ZNF33A: variants seen among roughly 807,000 people sequenced by gnomAD.
ZNF33A encodes the protein zinc finger protein 33A, also known as brain my041 protein.
Under a neutral mutation model 15.9 loss-of-function variants are expected in ZNF33A, and 9 were observed. That is an observed-to-expected ratio of 0.57 (90% confidence interval 0.34 to 0.99). ZNF33A has a LOEUF of 0.99. Among genes scored for constraint, ZNF33A ranks in the 50% least tolerant of loss-of-function variants. The probability of loss-of-function intolerance (pLI) is 0.02; values close to 1 mark genes in which losing one functional copy is unlikely to be tolerated. For synonymous variants in ZNF33A, 294 were observed against 324.2 expected (o/e 0.91, Z 1.00); for missense variants, 843 against 941.6 (o/e 0.90, Z 1.37).
rs559539936 is a variant in ZNF33A, at chr10:38,056,724, G to A, written c.*164G>A. ...ACAGATTTTTTTTGAATTTGTGAAAGTTTTTGGCAAAAATGCAAATAAGGT... is the reference window on the plus strand; with the variant it reads ...ACAGATTTTTTTTGAATTTGTGAAAATTTTTGGCAAAAATGCAAATAAGGT... On this transcript the variant is annotated 3_prime_UTR_variant, in exon 5 of 5. Transcript: ENST00000432900. 8.0e-7 allele frequency: 1 copy of A among 1,249,062 alleles called. No homozygotes were observed. Among genetic ancestry groups the A allele is most frequent in the East Asian group, 3.1e-5 (1 of 32,736 alleles). The allele number at this position is 1,249,062 out of a possible 1,614,324, so 77.4% of individuals were successfully genotyped here.
intron 4 of ZNF33A, among the ~76,000 whole-genome samples, chr10:38,045,664 C>G (rs1202488499): frequency 6.6e-6 from 1 of 152,196 alleles, no homozygotes; most frequent in African/African-American, 2.4e-5. Context: ...CTCTTCTTAG[C>G]CATCTCTTTC....
intron 4 of ZNF33A, among the ~76,000 whole-genome samples, chr10:38,035,953 A>G (rs1234069013): frequency 6.6e-6 from 1 of 152,214 alleles, no homozygotes. Context: ...AAGAGATGCA[A>G]AGGGAACCTT....
At chr10:38,049,239 A>T (rs2066088498) in intron 4 of ZNF33A, among the ~76,000 whole-genome samples, 2 of 152,154 alleles carry the variant, frequency 1.3e-5, no homozygotes. Flanking sequence ...GGTTAATGAA[A>T]ACAGAATTTA....
intron 4 of ZNF33A, among the ~76,000 whole-genome samples, chr10:38,046,588 A>C (rs1162064239): frequency 6.6e-6 from 1 of 152,224 alleles, no homozygotes; most frequent in Non-Finnish European, 1.5e-5. Flanking sequence ...CCCAACATCC[A>C]ACCAAGTAAA....
intron 4 of ZNF33A, among the ~76,000 whole-genome samples, chr10:38,047,617 T>A: frequency 1.2e-5 from 1 of 80,782 alleles, no homozygotes; most frequent in Non-Finnish European, 2.2e-5. Flanking sequence ...AGAGCAAGAC[T>A]CTGTCTCAAA....
intron 4 of ZNF33A, among the ~76,000 whole-genome samples, chr10:38,021,028 C>T (rs1564838237): frequency 6.6e-6 from 1 of 152,088 alleles, no homozygotes; most frequent in African/African-American, 2.4e-5. Context: ...AGTCTTCCTG[C>T]GGGGGGAGTG....
chr10:38,030,091 A>G (rs575282428), intron 4 of ZNF33A, among the ~76,000 whole-genome samples: 55 of 152,320 alleles, frequency 3.6e-4, no homozygotes, highest in Non-Finnish European at 6.0e-4. Context: ...CCTGCCTTAT[A>G]AAAGTGATAA....
intron 4 of ZNF33A, 191 bp downstream of exon 4, chr10:38,017,577 T>G (rs1193413510): frequency 1.4e-5 from 6 of 434,658 alleles, no homozygotes; most frequent in Middle Eastern, 6.3e-4. Context: ...TCCTCCTTTT[T>G]GAATCGTTTT....
Position 38,059,105 on chromosome 10 carries a change from G to A in ZNF33A, c.*2545G>A, listed in dbSNP as rs1017052478. On this transcript the variant is annotated 3_prime_UTR_variant, in exon 5 of 5. Transcript: ENST00000432900. ...CCATTGCATGCATTAGCAGCTCAAA[G>A]ATGAAATACGATCATATCAATAGGT... The A allele has an allele frequency of 7.2e-5, 11 of 152,192 alleles. No individual in the cohort carries two copies. The highest frequency in any genetic ancestry group is 2.4e-4 in the African/African-American group (10 of 41,446). The allele number at this position is 152,192 out of a possible 1,614,324, so 9.4% of individuals were successfully genotyped here. A position where few individuals can be genotyped will look rare whatever the true frequency, so the allele number is the denominator to read the frequency against.
Position 38,056,263 on chromosome 10 carries a change from G to T in ZNF33A, c.2139G>T (p.Arg713Ser). The T allele has an allele frequency of 6.2e-7, 1 of 1,613,894 alleles. No homozygotes were observed. Among genetic ancestry groups the T allele is most frequent in the Non-Finnish European group, 8.5e-7 (1 of 1,179,942 alleles). Residue 713 changes from arginine to serine, a missense_variant, in exon 5 of 5, where the codon AGG becomes AGT. Arg to Ser is a moderately radical substitution (Grantham distance 110). Coordinates refer to ENST00000432900, the MANE Select transcript of ZNF33A (RefSeq NM_006954.2). Reference protein sequence around the residue: ...RHKSSLTVHHRAHTGEKSCQC... With the variant: ...RHKSSLTVHHSAHTGEKSCQC... ...AATCATCACTCACAGTACATCACAGGGCTCACACAGGAGAGAAATCTTGTC... is the reference window on the plus strand; with the variant it reads ...AATCATCACTCACAGTACATCACAGTGCTCACACAGGAGAGAAATCTTGTC...
Position 38,055,317 on chromosome 10 carries a change from C to G in ZNF33A, c.1193C>G (p.Ser398Ter), listed in dbSNP as rs749199108. Residue 398 changes from serine to a stop codon, truncating the protein, a stop_gained, in exon 5 of 5, where the codon TCA becomes TGA. Coordinates refer to ENST00000432900, the MANE Select transcript of ZNF33A (RefSeq NM_006954.2). LOFTEE classifies it low-confidence loss of function (END_TRUNC). ...NECGKAFSHK[S>*]ALTLHQRTHT... ...TGTGGGAAAGCCTTTAGCCATAAGT[C>G]AGCCCTCACATTACACCAGAGAACA... The G allele has an allele frequency of 1.2e-6, 2 of 1,613,940 alleles. No homozygotes were observed. Among genetic ancestry groups the G allele is most frequent in the African/African-American group, 1.3e-5 (1 of 74,900 alleles).
downstream of ZNF33A, among the ~76,000 whole-genome samples, chr10:38,060,221 G>A (rs578216034): frequency 6.6e-6 from 1 of 152,146 alleles, no homozygotes; most frequent in African/African-American, 2.4e-5. Context: ...TAGTATTTTT[G>A]GTTCTCTTGA....
chr10:38,011,197 C>T (rs934401816), intron 1 of ZNF33A, among the ~76,000 whole-genome samples: 9 of 152,334 alleles, frequency 5.9e-5, no homozygotes, highest in Middle Eastern at 3.4e-3. Flanking sequence ...CTTTAGGTTC[C>T]GAACTGACCT....
rs1400965900 is a variant in ZNF33A at position 38,059,975 on chromosome 10, A to G, written c.*3415A>G. ...AAAGGGTTATATGAGAATTCTCTAT[A>G]CTTTTTGCTCAACTTTCTGTAACCC... On this transcript the variant is annotated 3_prime_UTR_variant, in exon 5 of 5. Transcript: ENST00000432900. 1 of 762,174 alleles carries G rather than the reference A, an allele frequency of 1.3e-6. No individual in the cohort carries two copies. The allele number at this position is 762,174 out of a possible 1,614,324, so 47.2% of individuals were successfully genotyped here. A position where few individuals can be genotyped will look rare whatever the true frequency, so the allele number is the denominator to read the frequency against.
At chr10:38,043,698 A>G (rs1476651982) in intron 4 of ZNF33A, among the ~76,000 whole-genome samples, 1 of 151,944 alleles carries the variant, frequency 6.6e-6, no homozygotes, top group Non-Finnish European at 1.5e-5. Context: ...TTTTTTTTTC[A>G]GTCACTGAAT....
chr10:38,039,890 C>T (rs946936890), intron 4 of ZNF33A, among the ~76,000 whole-genome samples: 2 of 151,130 alleles, frequency 1.3e-5, no homozygotes, highest in Non-Finnish European at 2.9e-5. Flanking sequence ...TATAATCTTT[C>T]TGCTTTCCTG....
intron 4 of ZNF33A, among the ~76,000 whole-genome samples, chr10:38,035,326 C>T (rs1228164764): frequency 6.6e-6 from 1 of 151,902 alleles, no homozygotes; most frequent in Non-Finnish European, 1.5e-5. Flanking sequence ...CCATGTTGGA[C>T]AGGCTGGTCT....
At chr10:38,037,562 G>A (rs894311501) in intron 4 of ZNF33A, among the ~76,000 whole-genome samples, 1 of 152,090 alleles carries the variant, frequency 6.6e-6, no homozygotes, top group Non-Finnish European at 1.5e-5. Context: ...CTGACCTTGT[G>A]ATCTGCCTGC....
intron 4 of ZNF33A, among the ~76,000 whole-genome samples, chr10:38,022,229 G>A (rs924589377): frequency 1.9e-4 from 29 of 152,180 alleles, no homozygotes; most frequent in African/African-American, 6.5e-4. Flanking sequence ...ATTGATAAAC[G>A]TCTAGCAATA....
Sources: allele counts gnomAD v4.1 joint callset (sites outside exome capture counted in the v4.1 genomes callset), GRCh38; gene constraint gnomAD v4.1.1; transcripts MANE v1.5; gene names NCBI Gene and HGNC (gene_info 2026-07-23, HGNC 2026-07-21).